XRCC4: variants seen among roughly 807,000 people sequenced by gnomAD.
XRCC4 encodes the protein DNA repair protein XRCC4.
Under a neutral mutation model 39.1 loss-of-function variants are expected in XRCC4, and 28 were observed. That is an observed-to-expected ratio of 0.72 (90% confidence interval 0.53 to 0.98). The LOEUF (loss-of-function observed/expected upper bound fraction) is 0.98, where lower values mean the gene tolerates loss of function less well. Among genes scored for constraint, XRCC4 ranks in the 50% least tolerant of loss-of-function variants. The pLI, the probability that XRCC4 is intolerant of heterozygous loss-of-function variation, is 0.00. For synonymous variants in XRCC4, 123 were observed against 126.4 expected, an observed-to-expected ratio of 0.97 and a Z score of 0.18; for missense variants, 350 against 376.4, an observed-to-expected ratio of 0.93 and a Z score of 0.58.
At chr5:83,186,986 C>T (rs1384725144) in intron 3 of XRCC4, among the ~76,000 whole-genome samples, 1 of 106,324 alleles carries the variant, frequency 9.4e-6, no homozygotes, top group African/African-American at 4.3e-5. Context: ...CTCTGTCGCC[C>T]AGGCTGGAGT....
intron 6 of XRCC4, among the ~76,000 whole-genome samples, chr5:83,216,628 G>T (rs539093170): frequency 6.6e-6 from 1 of 152,056 alleles, no homozygotes; most frequent in Non-Finnish European, 1.5e-5. Flanking sequence ...GTATTATTTG[G>T]CAATATAAAG....
At chr5:83,248,280 T>C (rs760415257) in intron 6 of XRCC4, among the ~76,000 whole-genome samples, 24 of 152,214 alleles carry the variant, frequency 1.6e-4, no homozygotes, top group Non-Finnish European at 2.4e-4. Flanking sequence ...TATTTTTGTC[T>C]TGAAGGCAAT....
intron 6 of XRCC4, among the ~76,000 whole-genome samples, chr5:83,218,307 A>C (rs1036353708): frequency 4.8e-5 from 7 of 145,350 alleles, no homozygotes; most frequent in Non-Finnish European, 8.9e-5. Flanking sequence ...CATTTCTCAA[A>C]CTCATAAAAC....
chr5:83,214,960 C>T (rs1373713991), intron 6 of XRCC4, among the ~76,000 whole-genome samples: 1 of 151,886 alleles, frequency 6.6e-6, no homozygotes, highest in Non-Finnish European at 1.5e-5. Context: ...GACTCCTACA[C>T]TGAGAACTAT....
intron 6 of XRCC4, among the ~76,000 whole-genome samples, chr5:83,248,431 C>T (rs776055998): frequency 5.3e-5 from 8 of 152,110 alleles, no homozygotes; most frequent in South Asian, 2.1e-4. Context: ...ATTGGAGATG[C>T]GGATAATTAT....
chr5:83,199,598 A>G (rs1446380007), intron 4 of XRCC4, among the ~76,000 whole-genome samples: 2 of 152,016 alleles, frequency 1.3e-5, no homozygotes, highest in African/African-American at 4.8e-5. Context: ...TTGAGCTATC[A>G]TTTAATCTGT....
At chr5:83,083,257 C>A (rs1745035802) in intron 1 of XRCC4, among the ~76,000 whole-genome samples, 1 of 151,898 alleles carries the variant, frequency 6.6e-6, no homozygotes, top group African/African-American at 2.4e-5. Flanking sequence ...TGAAGGCAGG[C>A]ATTTTTATCT....
intron 3 of XRCC4, among the ~76,000 whole-genome samples, chr5:83,187,243 C>T (rs199740994): frequency 3.8e-4 from 20 of 53,024 alleles, no homozygotes; most frequent in South Asian, 7.6e-4. Flanking sequence ...GCGCCCGGCC[C>T]TCCATTTTTA....
At chr5:83,114,456 T>G (rs1746610852) in intron 3 of XRCC4, among the ~76,000 whole-genome samples, 1 of 152,214 alleles carries the variant, frequency 6.6e-6, no homozygotes, top group African/African-American at 2.4e-5. Context: ...TTCTCTCAAG[T>G]TGAAAGTTCC....
chr5:83,184,544 A>C (rs551461104), intron 3 of XRCC4, among the ~76,000 whole-genome samples: 2 of 152,224 alleles, frequency 1.3e-5, no homozygotes, highest in African/African-American at 4.8e-5. Context: ...TGAGAGACCT[A>C]ATTGTTCCTA....
chr5:83,159,953 A>G (rs1749129050), intron 3 of XRCC4, among the ~76,000 whole-genome samples: 1 of 152,152 alleles, frequency 6.6e-6, no homozygotes, highest in African/African-American at 2.4e-5. Flanking sequence ...TCTGATTATA[A>G]AAGCATAGGA....
chr5:83,297,150 C>CA (rs1755122721), intron 7 of XRCC4, among the ~76,000 whole-genome samples: 1 of 151,698 alleles, frequency 6.6e-6, no homozygotes, highest in South Asian at 2.1e-4. Context: ...GGTAACATTT[C>CA]AAAAAATAAA....
At chr5:83,197,559 A>G (rs182479734) in intron 4 of XRCC4, among the ~76,000 whole-genome samples, 195 of 152,272 alleles carry the variant, frequency 1.3e-3, no homozygotes, top group African/African-American at 4.5e-3. Context: ...GGGAACGAAG[A>G]TGGGGAATTA....
chr5:83,372,036 G>A, the XRCC4 span, among the ~76,000 whole-genome samples: 2 of 152,182 alleles, frequency 1.3e-5, no homozygotes, highest in Admixed American at 6.6e-5. Context: ...TTGTTGGCCT[G>A]TTGTGATAAC....
chr5:83,131,665 T>C (rs916341587), intron 3 of XRCC4, among the ~76,000 whole-genome samples: 5 of 152,142 alleles, frequency 3.3e-5, no homozygotes, highest in Admixed American at 2.6e-4. Flanking sequence ...TCTTTGTTGG[T>C]TTAAAGTCTG....
chr5:83,208,840 G>T (rs1181792789), intron 6 of XRCC4, among the ~76,000 whole-genome samples: 1 of 152,042 alleles, frequency 6.6e-6, no homozygotes, highest in African/African-American at 2.4e-5. Context: ...GATAGATAGT[G>T]ATTGTATTAC....
intron 7 of XRCC4, chr5:83,310,775 A>G: frequency 6.6e-6 from 3 of 456,654 alleles, no homozygotes; most frequent in South Asian, 4.6e-5. Context: ...TGCAATTATA[A>G]CTTTCCTTAT....
chr5:83,293,975 A>G (rs560123781), intron 7 of XRCC4, among the ~76,000 whole-genome samples: 2 of 152,034 alleles, frequency 1.3e-5, no homozygotes, highest in Admixed American at 6.6e-5. Context: ...TGACATTAAT[A>G]GCTAACTAAT....
chr5:83,208,110 C>T (rs912263914), intron 6 of XRCC4, among the ~76,000 whole-genome samples: 1 of 151,952 alleles, frequency 6.6e-6, no homozygotes, highest in African/African-American at 2.4e-5. Flanking sequence ...GCCCAAATTT[C>T]ATCTGGAGTT....
Sources: gnomAD v4.1 joint callset for allele counts (sites outside exome capture counted in the v4.1 genomes callset) on GRCh38, gnomAD v4.1.1 for gene constraint, MANE v1.5 for transcripts, NCBI Gene and HGNC (gene_info 2026-07-23, HGNC 2026-07-21) for gene names.